EPB41L5: variants seen among roughly 807,000 people sequenced by gnomAD.
EPB41L5 encodes erythrocyte membrane protein band 4.1 like 5.
Under a neutral mutation model 106.6 loss-of-function variants are expected in EPB41L5, and 55 were observed. The observed-to-expected ratio is 0.52, with a 90% CI of 0.42 to 0.65. The LOEUF (loss-of-function observed/expected upper bound fraction) is 0.65. Among genes scored for constraint, EPB41L5 ranks in the 30% least tolerant of loss-of-function variants. EPB41L5 has a pLI of 0.00. For missense variants in EPB41L5, 871 were observed against 882.1 expected, an observed-to-expected ratio of 0.99 and a Z score of 0.16; for synonymous variants, 297 against 306.7, an observed-to-expected ratio of 0.97 and a Z score of 0.33.
intron 3 of EPB41L5, among the ~76,000 whole-genome samples, chr2:120,065,577 C>T (rs939872811): frequency 3.5e-5 from 5 of 144,854 alleles, no homozygotes; most frequent in African/African-American, 5.1e-5. Flanking sequence ...AGTGCAGTGG[C>T]GCAATCTTGG....
At chr2:120,036,703 C>A (rs1679061376) in intron 2 of EPB41L5, among the ~76,000 whole-genome samples, 1 of 151,666 alleles carries the variant, frequency 6.6e-6, no homozygotes, top group Admixed American at 6.6e-5. Flanking sequence ...CTTAATAGGA[C>A]CAAAGGAAAA....
intron 3 of EPB41L5, among the ~76,000 whole-genome samples, chr2:120,062,427 A>G (rs1255596527): frequency 6.6e-6 from 1 of 152,222 alleles, no homozygotes; most frequent in African/African-American, 2.4e-5. Context: ...TATGGCTAAT[A>G]ATATTCTGAA....
chr2:120,165,813 C>T (rs1239970385), intron 22 of EPB41L5, among the ~76,000 whole-genome samples: 1 of 151,818 alleles, frequency 6.6e-6, no homozygotes, highest in Non-Finnish European at 1.5e-5. Flanking sequence ...ACTGAAAATA[C>T]AAAAATTAGC....
intron 5 of EPB41L5, among the ~76,000 whole-genome samples, chr2:120,074,594 T>C (rs1235651615): frequency 6.6e-6 from 1 of 152,184 alleles, no homozygotes; most frequent in African/African-American, 2.4e-5. Context: ...TGAAAAACAT[T>C]AGATTCTGAT....
intron 1 of EPB41L5, among the ~76,000 whole-genome samples, chr2:120,014,931 A>C (rs1408066902): frequency 1.3e-5 from 2 of 150,660 alleles, no homozygotes; most frequent in African/African-American, 4.9e-5. Context: ...TGCAGGTGGG[A>C]GGGGAAAAGT....
intron 2 of EPB41L5, among the ~76,000 whole-genome samples, chr2:120,028,933 A>G (rs964225968): frequency 2.0e-5 from 3 of 152,060 alleles, no homozygotes; most frequent in African/African-American, 7.2e-5. Flanking sequence ...GGGCTAAAGG[A>G]ATTATTGGAG....
chr2:120,167,389 A>C, intron 22 of EPB41L5, 77 bp from the exon 23 acceptor site: 3 of 1,224,860 alleles, frequency 2.4e-6, no homozygotes, highest in Non-Finnish European at 2.4e-6. Flanking sequence ...TTCATAATAG[A>C]TGTAAGTAAG....
intron 14 of EPB41L5, among the ~76,000 whole-genome samples, chr2:120,096,233 C>G (rs1232048850): frequency 2.7e-5 from 4 of 150,914 alleles, no homozygotes; most frequent in Admixed American, 6.6e-5. Context: ...TTTTTTTTCA[C>G]TTTGAAAGCT....
At chr2:120,076,844 C>T (rs1288661057) in intron 7 of EPB41L5, 127 bp from the exon 8 acceptor site, 1 of 814,254 alleles carries the variant, frequency 1.2e-6, no homozygotes, top group Non-Finnish European at 1.8e-6. Context: ...GGAGACTTGT[C>T]TGAGTATTAT....
At chr2:120,127,602 G>T (rs1395265885) in intron 16 of EPB41L5, 86 bp from the exon 17 acceptor site, 23 of 1,052,332 alleles carry the variant, frequency 2.2e-5, no homozygotes, top group Admixed American at 1.0e-4. Flanking sequence ...AGATGTGGTG[G>T]AAATTGCAGA....
intron 16 of EPB41L5, among the ~76,000 whole-genome samples, chr2:120,126,211 GC>G (rs1685455561): frequency 6.6e-6 from 1 of 151,868 alleles, no homozygotes; most frequent in Non-Finnish European, 1.5e-5. Flanking sequence ...TGGATAACTA[GC>G]CCCTTATCAG....
At chr2:120,099,531 C>T (rs560286566) in intron 14 of EPB41L5, among the ~76,000 whole-genome samples, 25 of 152,028 alleles carry the variant, frequency 1.6e-4, no homozygotes, top group Admixed American at 6.5e-5. Context: ...GGGTTCACGC[C>T]ATTCTCCTGC....
intron 22 of EPB41L5, among the ~76,000 whole-genome samples, chr2:120,167,015 T>TAAAC (rs771297828): frequency 1.3e-5 from 2 of 152,252 alleles, no homozygotes; most frequent in Admixed American, 1.3e-4. Context: ...GATCTGTATC[T>TAAAC]AAACAGATTA....
rs537905834 is a variant in EPB41L5 at position 120,078,437 on chromosome 2, A to C, written c.715-56A>C. The C allele has an allele frequency of 4.1e-5, 47 of 1,137,292 alleles. 2 individuals carry two copies. The South Asian group carries it at 5.7e-4, about 14-fold the overall frequency. 70.5% of individuals were successfully genotyped at this position (1,137,292 alleles called of 1,614,324 possible). ...AAAATAAAATTTAAAAGTTGTGTCAATGTGAAACCTGTTTTGTACAAATAA... is the reference window on the plus strand; with the variant it reads ...AAAATAAAATTTAAAAGTTGTGTCACTGTGAAACCTGTTTTGTACAAATAA... On this transcript the variant is annotated intron_variant, in intron 9 of 24. Transcript: ENST00000263713.
chr2:120,107,799 T>C (rs2105418888), intron 16 of EPB41L5, among the ~76,000 whole-genome samples: 1 of 152,288 alleles, frequency 6.6e-6, no homozygotes, highest in Middle Eastern at 3.4e-3. Context: ...AACGTTAACC[T>C]TGGTGGTGTA....
chr2:120,070,386 G>A (rs1386983325), intron 3 of EPB41L5, among the ~76,000 whole-genome samples: 2 of 152,058 alleles, frequency 1.3e-5, no homozygotes, highest in Non-Finnish European at 2.9e-5. Flanking sequence ...ATTCACAGCC[G>A]AATTCTACCA....
intron 10 of EPB41L5, among the ~76,000 whole-genome samples, chr2:120,081,283 G>A (rs992697549): frequency 3.3e-5 from 5 of 152,240 alleles, no homozygotes; most frequent in Non-Finnish European, 5.9e-5. Flanking sequence ...ATTGATTTTT[G>A]TATAAGGTGT....
At chr2:120,035,947 G>A (rs562092070) in intron 2 of EPB41L5, among the ~76,000 whole-genome samples, 1 of 152,182 alleles carries the variant, frequency 6.6e-6, no homozygotes, top group Admixed American at 6.5e-5. Context: ...TGGTAATGGT[G>A]GCTGCAGTCT....
chr2:120,136,152 AT>A (rs78827477), intron 18 of EPB41L5, among the ~76,000 whole-genome samples: 4,051 of 140,874 alleles, frequency 0.029, 126 homozygotes, highest in African/African-American at 0.083. Flanking sequence ...TTGCTTGTTA[AT>A]TTTTTTTTTT....
Sources: allele counts gnomAD v4.1 joint callset (sites outside exome capture counted in the v4.1 genomes callset), GRCh38; gene constraint gnomAD v4.1.1; transcripts MANE v1.5; gene names NCBI Gene and HGNC (gene_info 2026-07-23, HGNC 2026-07-21).